Variants in EYA1 observed in about 807,000 individuals in gnomAD.
EYA1 encodes EYA transcriptional coactivator and phosphatase 1.
In EYA1, 16 loss-of-function variants were observed where a neutral mutation model predicts 82.0. The ratio of observed to expected loss-of-function variants is 0.20; its 90% CI spans 0.13 to 0.30. EYA1 has a LOEUF of 0.30. EYA1 is among the 10% of genes least tolerant of loss of function. The pLI is 1.00. For synonymous variants in EYA1, 261 were observed against 264.4 expected, an observed-to-expected ratio of 0.99 and a Z score of 0.12; for missense variants, 633 against 730.7, an observed-to-expected ratio of 0.87 and a Z score of 1.54.
At chr8:71,366,473 T>C (rs2129084810), upstream of EYA1, among the ~76,000 whole-genome samples, 1 of 152,316 alleles carries the variant, frequency 6.6e-6, no homozygotes, top group Non-Finnish European at 1.5e-5. Flanking sequence ...CCCAGGTTGT[T>C]TCTTCGCCAA....
chr8:71,264,518 C>T (rs914106600), intron 11 of EYA1, among the ~76,000 whole-genome samples: 5 of 152,024 alleles, frequency 3.3e-5, no homozygotes, highest in Non-Finnish European at 5.9e-5. Context: ...TCCTTTCTTA[C>T]TATCGGTTGT....
intron 12 of EYA1, among the ~76,000 whole-genome samples, chr8:71,230,913 T>C (rs530892258): frequency 6.6e-6 from 1 of 152,374 alleles, no homozygotes; most frequent in South Asian, 2.1e-4. Context: ...TCAGAAATGA[T>C]GGCTTCCAGC....
intron 16 of EYA1, among the ~76,000 whole-genome samples, chr8:71,211,869 A>C (rs1375826833): frequency 1.3e-5 from 2 of 152,228 alleles, no homozygotes; most frequent in African/African-American, 4.8e-5. Context: ...AGATAATTTG[A>C]GGTAGTGCAG....
chr8:71,457,338 T>A (rs1383405029), intron 2 of EYA1, among the ~76,000 whole-genome samples: 2 of 152,224 alleles, frequency 1.3e-5, no homozygotes, highest in East Asian at 3.8e-4. Flanking sequence ...TCAACCATTG[T>A]GGAAGACAGT....
rs551902960 is a variant in EYA1 at position 71,399,638 on chromosome 8, A to T, written c.34-43127T>A. On this transcript the variant is annotated intron_variant, in intron 2 of 18. Transcript: ENST00000643681. ...CTACAAACCAGTGCTCAAGGAAATC[A>T]GAGAGGACACAAACAAATGGAATAA... Among the ~76,000 whole-genome samples, 8 of 152,318 alleles carry T rather than the reference A, an allele frequency of 5.3e-5. No homozygotes were observed. The East Asian group carries it at 1.5e-3, about 29-fold the overall frequency.
chr8:71,234,294 T>C (rs1811569047), intron 12 of EYA1, among the ~76,000 whole-genome samples: 1 of 152,154 alleles, frequency 6.6e-6, no homozygotes, highest in Non-Finnish European at 1.5e-5. Flanking sequence ...TTCCCTTGAT[T>C]CCATGATGCC....
chr8:71,279,742 C>A (rs751344306), intron 9 of EYA1, among the ~76,000 whole-genome samples: 1 of 152,180 alleles, frequency 6.6e-6, no homozygotes, highest in Non-Finnish European at 1.5e-5. Context: ...AAGTCAAAGG[C>A]ACTGAAACTA....
chr8:71,495,547 G>A (rs554817888), intron 2 of EYA1, among the ~76,000 whole-genome samples: 1 of 152,154 alleles, frequency 6.6e-6, no homozygotes, highest in Non-Finnish European at 1.5e-5. Context: ...GAGAGATAAA[G>A]GTTGCAGTGA....
intron 17 of EYA1, 111 bp downstream of exon 17, chr8:71,211,045 A>T: frequency 1.3e-6 from 1 of 772,832 alleles, no homozygotes. Flanking sequence ...AGAGTACTGC[A>T]CATATTCATC....
intron 9 of EYA1, among the ~76,000 whole-genome samples, chr8:71,279,194 C>T (rs373927272): frequency 2.0e-5 from 3 of 152,240 alleles, no homozygotes; most frequent in Admixed American, 6.5e-5. Flanking sequence ...TTCTATTTGC[C>T]ATTATGGGAG....
chr8:71,517,191 C>T, intron 2 of EYA1, among the ~76,000 whole-genome samples: 1 of 151,900 alleles, frequency 6.6e-6, no homozygotes, highest in East Asian at 1.9e-4. Flanking sequence ...TGTTGATGAT[C>T]TCAGATCTAT....
intron 9 of EYA1, among the ~76,000 whole-genome samples, chr8:71,282,419 C>A (rs1817910982): frequency 6.6e-6 from 1 of 152,204 alleles, no homozygotes; most frequent in African/African-American, 2.4e-5. Context: ...TTCTCTTGAA[C>A]CCACTTCCAT....
At chr8:71,242,105 A>G (rs921759606) in intron 12 of EYA1, among the ~76,000 whole-genome samples, 2 of 152,142 alleles carry the variant, frequency 1.3e-5, no homozygotes, top group Non-Finnish European at 2.9e-5. Flanking sequence ...GCTACTTGGG[A>G]TGCTGAGGCA....
rs757780695 is a variant in EYA1, at chr8:71,216,778, C to T, written c.1274G>A (p.Arg425Gln). The change falls in exon 14 of 18, where the codon CGG (arginine) becomes CAG (glutamine). Residue 425 changes from arginine to glutamine, a missense_variant. Arg to Gln is a conservative substitution (Grantham distance 43). Transcript: ENST00000340726. ...SANLCLATGV[R>Q]GGVDWMRKLA... is the part of the protein sequence containing the mutation. The stretch of plus-strand genomic sequence containing the variant: ...CTTTCTCATCCAGTCCACACCGCCC[C>T]GTACACCAGTTGCCAAACATAAGTT... 10 of 1,614,120 alleles carry T rather than the reference C, an allele frequency of 6.2e-6. No homozygotes were observed. Among genetic ancestry groups the T allele is most frequent in the Admixed American group, 1.7e-5 (1 of 60,028 alleles).
rs576317728 is a variant in EYA1 at position 71,476,847 on chromosome 8, C to T, written c.33+58897G>A. Among the ~76,000 whole-genome samples, 24 of 152,010 alleles carry T rather than the reference C, an allele frequency of 1.6e-4. 1 individual carries two copies. Among genetic ancestry groups the T allele is most frequent in the Non-Finnish European group, 2.9e-4 (20 of 67,870 alleles). On this transcript the variant is annotated intron_variant, in intron 2 of 18. Transcript: ENST00000643681. ...AATTTATTACAAAGCCACAGTAATA[C>T]AAAAAAGTGTTGTACTGGCAGAAAA...
At chr8:71,236,421 A>T (rs1314149093) in intron 12 of EYA1, among the ~76,000 whole-genome samples, 1 of 152,226 alleles carries the variant, frequency 6.6e-6, no homozygotes, top group Non-Finnish European at 1.5e-5. Context: ...GCTAATTTTT[A>T]AAACTTGAAA....
At chr8:71,483,884 A>G (rs191438235) in intron 2 of EYA1, among the ~76,000 whole-genome samples, 1 of 152,314 alleles carries the variant, frequency 6.6e-6, no homozygotes, top group East Asian at 1.9e-4. Flanking sequence ...GAGGTGGGAA[A>G]CAAAGGGTCA....
intron 2 of EYA1, among the ~76,000 whole-genome samples, chr8:71,390,664 A>C (rs552080028): frequency 6.6e-6 from 1 of 152,306 alleles, no homozygotes; most frequent in African/African-American, 2.4e-5. Flanking sequence ...AACTATAGGA[A>C]TTATTCTTTC....
intron 9 of EYA1, among the ~76,000 whole-genome samples, chr8:71,286,199 TTAAAA>T (rs1368706394): frequency 2.0e-5 from 3 of 152,128 alleles, no homozygotes; most frequent in Non-Finnish European, 4.4e-5. Flanking sequence ...AACCCGGAAC[TTAAAA>T]TAAAAAATGT....
Sources: allele counts gnomAD v4.1 joint callset (sites outside exome capture counted in the v4.1 genomes callset), GRCh38; gene constraint gnomAD v4.1.1; transcripts MANE v1.5; gene names NCBI Gene and HGNC (gene_info 2026-07-23, HGNC 2026-07-21).